UNC5A: variants seen among roughly 807,000 people sequenced by gnomAD.
UNC5A encodes netrin receptor UNC5A.
UNC5A carries 20 observed loss-of-function variants against 87.4 expected under a neutral mutation model. That is an observed-to-expected ratio of 0.23 (90% CI 0.16 to 0.33). The LOEUF is 0.33. Among genes scored for constraint, UNC5A ranks in the 10% least tolerant of loss-of-function variants. The probability of loss-of-function intolerance (pLI) is 1.00; values close to 1 mark genes in which losing one functional copy is unlikely to be tolerated. For synonymous variants in UNC5A, 438 were observed against 482.3 expected (o/e 0.91, Z 1.20); for missense variants, 844 against 1,133.4 (o/e 0.74, Z 3.67).
chr5:176,810,855 CGGGG>C lies in UNC5A; in HGVS notation c.70+37_70+40del. ...GCCGCGCGCGCTCTGGGGAGGCTTG[CGGGG>C]GACCGTGCGCGCGAACGCTCGCTGC... On this transcript the variant is annotated intron_variant, in intron 1 of 14. Transcript: ENST00000329542. The surrounding 1 kb of genome is among the most constrained non-coding windows in gnomAD (Gnocchi z 7.3). The C allele has an allele frequency of 8.2e-7, 1 of 1,218,540 alleles. No individual in the cohort carries two copies. 75.5% of individuals were successfully genotyped at this position (1,218,540 alleles called of 1,614,324 possible).
At chr5:176,842,467 G>A (rs552903237) in intron 1 of UNC5A, among the ~76,000 whole-genome samples, 4 of 148,828 alleles carry the variant, frequency 2.7e-5, no homozygotes, top group African/African-American at 5.2e-5. Flanking sequence ...TCAAATGCCC[G>A]TCAATCAACA....
intron 1 of UNC5A, among the ~76,000 whole-genome samples, chr5:176,827,128 C>T (rs1185553036): frequency 6.6e-6 from 1 of 150,948 alleles, no homozygotes; most frequent in East Asian, 1.9e-4. Flanking sequence ...GCATAATGTG[C>T]TCCAGGTTCA....
intron 14 of UNC5A, 65 bp from the exon 15 acceptor site, chr5:176,879,656 A>AG (rs1466648494): frequency 9.5e-6 from 15 of 1,582,330 alleles, no homozygotes; most frequent in Admixed American, 8.6e-5. Context: ...GGGGTGGGCC[A>AG]GGGGGGGCAG....
chr5:176,863,877 C>A (rs1366352957), intron 2 of UNC5A, among the ~76,000 whole-genome samples: 1 of 142,084 alleles, frequency 7.0e-6, no homozygotes, highest in South Asian at 2.4e-4. Context: ...TCCTCCTCCT[C>A]CTCACTCATT....
At chr5:176,842,736 T>G (rs1757305288) in intron 1 of UNC5A, among the ~76,000 whole-genome samples, 1 of 152,280 alleles carries the variant, frequency 6.6e-6, no homozygotes, top group Admixed American at 6.5e-5. Flanking sequence ...GATAAAAGAC[T>G]ACAAATAGGG....
rs563396252 is a variant in UNC5A at position 176,823,482 on chromosome 5, C to T, written c.70+12662C>T. 4.6e-5 allele frequency among the ~76,000 whole-genome samples: 7 copies of T among 152,268 alleles called. No homozygotes were observed. The East Asian group carries it at 1.4e-3, about 29-fold the overall frequency. Reference sequence around the variant, plus strand: ...CCAGCCGTGGCCCAGGAGAGACGTCCAACAGGTCCTGGTGGTGCTGGGGCC... The same window carrying T: ...CCAGCCGTGGCCCAGGAGAGACGTCTAACAGGTCCTGGTGGTGCTGGGGCC... On this transcript the variant is annotated intron_variant, in intron 1 of 14. Transcript: ENST00000329542.
At chr5:176,858,619 G>A (rs1469622114) in intron 1 of UNC5A, among the ~76,000 whole-genome samples, 1 of 151,896 alleles carries the variant, frequency 6.6e-6, no homozygotes, top group African/African-American at 2.4e-5. Context: ...CAGCTCTCAG[G>A]CCCTGTTGAA....
chr5:176,862,814 C>G lies in UNC5A; in HGVS notation c.261C>G (p.His87Gln). The change falls in exon 2 of 15, where the codon CAC becomes CAG. Residue 87 changes from histidine (H) to glutamine (Q), a missense_variant. Physicochemically the swap from His to Gln is conservative, Grantham distance 24. Transcript: ENST00000329542. ...CNGEWVRQVD[H>Q]VIERSTDGSS... The stretch of plus-strand genomic sequence containing the variant: ...GGGAGTGGGTGCGCCAGGTGGACCA[C>G]GTGATCGAGCGCAGCACAGACGGGA... 1 of 1,613,256 alleles carries G rather than the reference C, an allele frequency of 6.2e-7. No homozygotes were observed. The highest frequency in any genetic ancestry group is 8.5e-7 in the Non-Finnish European group (1 of 1,179,890).
chr5:176,846,668 C>T (rs1350299468), intron 1 of UNC5A, among the ~76,000 whole-genome samples: 2 of 152,162 alleles, frequency 1.3e-5, no homozygotes, highest in African/African-American at 4.8e-5. Flanking sequence ...GTATCTGCCT[C>T]CCACAAGTGG....
At chr5:176,819,240 C>T (rs1294325389) in intron 1 of UNC5A, among the ~76,000 whole-genome samples, 4 of 152,218 alleles carry the variant, frequency 2.6e-5, no homozygotes, top group African/African-American at 4.8e-5. Flanking sequence ...TGGGTGGTGG[C>T]CCAATTGTCA....
At chr5:176,863,925 G>C (rs1016195327) in intron 2 of UNC5A, among the ~76,000 whole-genome samples, 4 of 148,428 alleles carry the variant, frequency 2.7e-5, no homozygotes, top group Admixed American at 6.8e-5. Context: ...GGTGCTTTGT[G>C]GAGCACCCCA....
chr5:176,867,587 T>C (rs1758004385), intron 2 of UNC5A, among the ~76,000 whole-genome samples: 1 of 152,222 alleles, frequency 6.6e-6, no homozygotes, highest in Admixed American at 6.5e-5. Flanking sequence ...TGGGAAACCC[T>C]AAGTCCCAGG....
chr5:176,869,050 C>G lies in UNC5A; in HGVS notation c.721+86C>G. The G allele has an allele frequency of 7.0e-7, 1 of 1,436,218 alleles. No individual in the cohort carries two copies. Among genetic ancestry groups the G allele is most frequent in the African/African-American group, 1.4e-5 (1 of 70,368 alleles). The allele number at this position is 1,436,218 out of a possible 1,614,324, so 89.0% of individuals were successfully genotyped here. On this transcript the variant is annotated intron_variant, in intron 5 of 14. Transcript: ENST00000329542. This position sits in a 1 kb window ranked among gnomAD's most constrained non-coding sequence, Gnocchi z 9.1. ...TGTGGCTGGTGGGGTGAAGAGAGGC[C>G]ATGAGGCCAAAGCCAGGTGGACCAG...
At chr5:176,861,113 C>T (rs34784399) in intron 1 of UNC5A, among the ~76,000 whole-genome samples, 10 of 152,340 alleles carry the variant, frequency 6.6e-5, no homozygotes, top group African/African-American at 2.4e-4. Flanking sequence ...CTCTGTGCCT[C>T]AGTTTCCTTG....
intron 1 of UNC5A, among the ~76,000 whole-genome samples, chr5:176,846,656 C>T (rs1757410417): frequency 6.6e-6 from 1 of 152,158 alleles, no homozygotes; most frequent in Non-Finnish European, 1.5e-5. Flanking sequence ...ATGATCTCAC[C>T]AGTATCTGCC....
chr5:176,860,338 C>T (rs974165160), intron 1 of UNC5A, among the ~76,000 whole-genome samples: 4 of 152,236 alleles, frequency 2.6e-5, no homozygotes, highest in African/African-American at 4.8e-5. Context: ...ATGTCTAGAG[C>T]GGCCCTCGGG....
chr5:176,820,895 G>A (rs895786342), intron 1 of UNC5A, among the ~76,000 whole-genome samples: 3 of 152,204 alleles, frequency 2.0e-5, no homozygotes, highest in East Asian at 1.9e-4. Context: ...CAGCTGCAGA[G>A]CCTGCTCTTT....
At chr5:176,855,448 C>T (rs921890459) in intron 1 of UNC5A, among the ~76,000 whole-genome samples, 26 of 152,222 alleles carry the variant, frequency 1.7e-4, no homozygotes, top group Non-Finnish European at 1.2e-4. Context: ...TCTGGGTCCA[C>T]AGATAGGGTC....
rs1050497450 is a variant in UNC5A, at chr5:176,824,850, C to T, written c.70+14030C>T. On this transcript the variant is annotated intron_variant, in intron 1 of 14. Coordinates refer to ENST00000329542, the MANE Select transcript of UNC5A (RefSeq NM_133369.3). This position sits in a 1 kb window ranked among gnomAD's most constrained non-coding sequence, Gnocchi z 4.2. ...TCTGTCCCAGGCACTCTCACCACTC[C>T]GTATCCCCCACCCCATGCACCCCCA... Among the ~76,000 whole-genome samples, 1 of 151,172 alleles carries T rather than the reference C, an allele frequency of 6.6e-6. No individual in the cohort carries two copies. Among genetic ancestry groups the T allele is most frequent in the Non-Finnish European group, 1.5e-5 (1 of 67,690 alleles).
Sources: gnomAD v4.1 joint callset for allele counts (sites outside exome capture counted in the v4.1 genomes callset) on GRCh38, gnomAD v4.1.1 for gene constraint, Gnocchi (gnomAD v3.1) non-coding constraint, MANE v1.5 for transcripts, NCBI Gene and HGNC (gene_info 2026-07-23, HGNC 2026-07-21) for gene names.